TRIM72: variants seen among roughly 807,000 people sequenced by gnomAD.
TRIM72 encodes tripartite motif-containing protein 72.
TRIM72 carries 33 observed loss-of-function variants against 31.6 expected under a neutral mutation model. The observed-to-expected ratio is 1.04, with a 90% CI of 0.79 to 1.40. The LOEUF is 1.40. Among genes scored for constraint, TRIM72 ranks in the 40% most tolerant of loss-of-function variants. The pLI is 0.00. For synonymous variants in TRIM72, 301 were observed against 314.4 expected, an observed-to-expected ratio of 0.96 and a Z score of 0.45; for missense variants, 666 against 682.7, an observed-to-expected ratio of 0.98 and a Z score of 0.27.
In TRIM72 at chr16:31,230,635, A is replaced by G. The variant is rs780683358; in HGVS notation, c.*5880A>G. ...CAGCTACTTGGGAGGCTGAGGCAGG[A>G]GAATGGCCTGAACCCGGGAGGCGGA... is the stretch of plus-strand genomic sequence containing the variant. On this transcript the variant is annotated 3_prime_UTR_variant, in exon 7 of 7. Transcript: ENST00000322122. The G allele has an allele frequency of 1.3e-5, 2 of 151,100 alleles. No homozygotes were observed. The highest frequency in any genetic ancestry group is 2.9e-5 in the Non-Finnish European group (2 of 67,892). The allele number at this position is 151,100 out of a possible 1,614,324, so 9.4% of individuals were successfully genotyped here. A position where few individuals can be genotyped will look rare whatever the true frequency, so the allele number is the denominator to read the frequency against.
chr16:31,221,023 C>A, intron 5 of TRIM72, 105 bp downstream of exon 5: 1 of 1,412,250 alleles, frequency 7.1e-7, no homozygotes. Flanking sequence ...ACCCGCAATT[C>A]AGTCTGCTGC....
chr16:31,220,248 A>T (rs2079527425), intron 4 of TRIM72, among the ~76,000 whole-genome samples: 1 of 150,988 alleles, frequency 6.6e-6, no homozygotes, highest in Non-Finnish European at 1.5e-5. Context: ...TATGTTGCCC[A>T]GACTGGTCTC....
intron 5 of TRIM72, among the ~76,000 whole-genome samples, chr16:31,221,289 C>A (rs567235582): frequency 2.6e-5 from 4 of 151,490 alleles, no homozygotes; most frequent in Admixed American, 6.6e-5. Flanking sequence ...AAAGGCATTG[C>A]GGGGAGAAGG....
rs1388112977 is a variant in TRIM72 at position 31,228,236 on chromosome 16, C to T, written c.*3481C>T. 3.3e-5 allele frequency: 5 copies of T among 152,334 alleles called. No individual in the cohort carries two copies. Among genetic ancestry groups the T allele is most frequent in the African/African-American group, 9.6e-5 (4 of 41,568 alleles). 9.4% of individuals were successfully genotyped at this position (152,334 alleles called of 1,614,324 possible). A position where few individuals can be genotyped will look rare whatever the true frequency, so the allele number is the denominator to read the frequency against. ...AAGTACTAGGATTACAGGCTTGAAC[C>T]GCCGCGCCCAGCCCCAGCTTCATCT... is the stretch of plus-strand genomic sequence containing the variant. On this transcript the variant is annotated 3_prime_UTR_variant, in exon 7 of 7. Transcript: ENST00000322122.
chr16:31,224,854 G>C lies in TRIM72; in HGVS notation c.*99G>C, dbSNP rs957920962. 19 of 1,231,112 alleles carry C rather than the reference G, an allele frequency of 1.5e-5. No individual in the cohort carries two copies. The African/African-American group carries it at 2.0e-4, about 13-fold the overall frequency. 76.3% of individuals were successfully genotyped at this position (1,231,112 alleles called of 1,614,324 possible). A position where few individuals can be genotyped will look rare whatever the true frequency, so the allele number is the denominator to read the frequency against. ...AGAAGGGTGGGGAGCGGGTTGCCAG[G>C]GCCCAGGGGGCTGGGAACTGGGGGA... On this transcript the variant is annotated 3_prime_UTR_variant, in exon 7 of 7. Transcript: ENST00000322122.
rs2079505374 is a variant in TRIM72 at position 31,215,762 on chromosome 16, CCAGGATGT to C, written c.390+635_390+642del. 6.6e-6 allele frequency among the ~76,000 whole-genome samples: 1 copy of C among 152,174 alleles called. No individual in the cohort carries two copies. The highest frequency in any genetic ancestry group is 1.5e-5 in the Non-Finnish European group (1 of 68,034). On this transcript the variant is annotated intron_variant, in intron 2 of 6. Coordinates refer to ENST00000322122, the MANE Select transcript of TRIM72 (RefSeq NM_001008274.4). The surrounding 1 kb of genome is among the most constrained non-coding windows in gnomAD (Gnocchi z 6.3). The stretch of plus-strand genomic sequence containing the variant: ...CCCAGGGTGGCACCGAGAGCCCCGT[CCAGGATGT>C]TTTTCTGGGTGGAGCTGGAAGTCCC...
Position 31,224,660 on chromosome 16 carries a change from AGGCCCGTGT to A in TRIM72, c.1340_1348del (p.Arg447_Tyr450delinsAsn), listed in dbSNP as rs2079548582. ...TTTTGCCTTCCACGAGCGCCTGCCC[AGGCCCGTGT>A]ACCCCTTCTTCGACGTGTGCTGGCA... On this transcript the variant is annotated inframe_deletion, in exon 7 of 7. Coordinates refer to ENST00000322122, the MANE Select transcript of TRIM72 (RefSeq NM_001008274.4). 2 of 1,548,484 alleles carry A rather than the reference AGGCCCGTGT, an allele frequency of 1.3e-6. No homozygotes were observed. The highest frequency in any genetic ancestry group is 2.7e-5 in the African/African-American group (2 of 73,484).
Position 31,224,525 on chromosome 16 carries a change from G to A in TRIM72, c.1204G>A (p.Ala402Thr), listed in dbSNP as rs1448803842. ...ACACGTGGAGGCCAAGGAGCCGCGC[G>A]CTCTGCGCAGCCCCGAGAGGCGGCC... Reference protein sequence around the residue: ...EAHVEAKEPRALRSPERRPTR... With the variant: ...EAHVEAKEPRTLRSPERRPTR... The change falls in exon 7 of 7, where the codon GCT (alanine) becomes ACT (threonine). Residue 402 changes from alanine (A) to threonine (T), a missense_variant. Coordinates refer to ENST00000322122, the MANE Select transcript of TRIM72 (RefSeq NM_001008274.4). 4.7e-5 allele frequency: 71 copies of A among 1,513,882 alleles called. No homozygotes were observed. The highest frequency in any genetic ancestry group is 6.0e-5 in the Non-Finnish European group (68 of 1,136,014). The allele number at this position is 1,513,882 out of a possible 1,614,324, so 93.8% of individuals were successfully genotyped here.
chr16:31,220,481 T>TC (rs1281897577), intron 4 of TRIM72, among the ~76,000 whole-genome samples: 1 of 136,634 alleles, frequency 7.3e-6, no homozygotes, highest in African/African-American at 2.7e-5. Flanking sequence ...TTTTTTTTTT[T>TC]TTTTTGAGAC....
At chr16:31,222,331 T>C (rs929172262) in intron 5 of TRIM72, among the ~76,000 whole-genome samples, 8 of 148,040 alleles carry the variant, frequency 5.4e-5, no homozygotes, top group African/African-American at 2.0e-4. Flanking sequence ...AGGCAGAGGC[T>C]GCAGTGAGCC....
At chr16:31,217,214 T>C in intron 2 of TRIM72, 2 of 638,578 alleles carry the variant, frequency 3.1e-6, no homozygotes, top group Non-Finnish European at 5.3e-6. Context: ...GTCCCCCAGT[T>C]TCCCCTGGGA....
chr16:31,219,537 C>G lies in TRIM72; in HGVS notation c.717+18C>G, dbSNP rs368851483. 5 of 1,595,394 alleles carry G rather than the reference C, an allele frequency of 3.1e-6. No homozygotes were observed. The Admixed American group carries it at 8.9e-5, about 28-fold the overall frequency. On this transcript the variant is annotated intron_variant, in intron 4 of 6. Coordinates refer to ENST00000322122, the MANE Select transcript of TRIM72 (RefSeq NM_001008274.4). This position sits in a 1 kb window ranked among gnomAD's most constrained non-coding sequence, Gnocchi z 4.2. ...TCCTCATGGTGAGCACTGGGTGACC[C>G]CCCTCCCTGCCTCAGCCCCCTGCTC... is the stretch of plus-strand genomic sequence containing the variant.
At chr16:31,223,555 T>C (rs2079542738) in intron 6 of TRIM72, among the ~76,000 whole-genome samples, 5 of 152,304 alleles carry the variant, frequency 3.3e-5, no homozygotes. Context: ...CTCCTTGACC[T>C]TGGGCCTTGG....
At position 31,215,180 on chromosome 16, in the gene TRIM72, C is replaced by A; in HGVS notation, c.390+52C>A. 7.0e-7 allele frequency: 1 copy of A among 1,421,476 alleles called. No individual in the cohort carries two copies. Among genetic ancestry groups the A allele is most frequent in the African/African-American group, 1.5e-5 (1 of 66,762 alleles). The allele number at this position is 1,421,476 out of a possible 1,614,324, so 88.1% of individuals were successfully genotyped here. On this transcript the variant is annotated intron_variant, in intron 2 of 6. Transcript: ENST00000322122. The surrounding 1 kb of genome is among the most constrained non-coding windows in gnomAD (Gnocchi z 6.3). ...GGAGGGGCTGTTCGGTGGCACGGGG[C>A]CGATGGGGAGGTCGCTGCAGTGATT...
At position 31,224,338 on chromosome 16, in the gene TRIM72, G is replaced by T; in HGVS notation, c.1017G>T (p.Gln339His). 6.3e-7 allele frequency: 1 copy of T among 1,590,224 alleles called. No individual in the cohort carries two copies. The highest frequency in any genetic ancestry group is 8.5e-7 in the Non-Finnish European group (1 of 1,171,570). Reference sequence around the variant, plus strand: ...CGGTGGCGGTGGTGGCGCACCAGCAGCTCTCCGAGGGCGAGCACTACTGGG... The same window carrying T: ...CGGTGGCGGTGGTGGCGCACCAGCATCTCTCCGAGGGCGAGCACTACTGGG... Reference protein sequence around the residue: ...DKAVAVVAHQQLSEGEHYWEV... With the variant: ...DKAVAVVAHQHLSEGEHYWEV... Residue 339 changes from glutamine (Q) to histidine (H), a missense_variant, in exon 7 of 7, where the codon CAG becomes CAT. Physicochemically the swap from Gln to His is conservative, Grantham distance 24 (BLOSUM62 0). Transcript: ENST00000322122.
Position 31,216,996 on chromosome 16 carries a change from C to T in TRIM72, c.390+1868C>T, listed in dbSNP as rs777350501. 1.2e-6 allele frequency: 2 copies of T among 1,614,016 alleles called. No homozygotes were observed. Among genetic ancestry groups the T allele is most frequent in the South Asian group, 2.2e-5 (2 of 91,074 alleles). Reference sequence around the variant, plus strand: ...GCTCCTCCGGTGTCAGGTTCTCCAGCACCTTCAGGATGGCCTCGCGCTTCG... The same window carrying T: ...GCTCCTCCGGTGTCAGGTTCTCCAGTACCTTCAGGATGGCCTCGCGCTTCG... On this transcript the variant is annotated intron_variant, in intron 2 of 6. Coordinates refer to ENST00000322122, the MANE Select transcript of TRIM72 (RefSeq NM_001008274.4). This position sits in a 1 kb window ranked among gnomAD's most constrained non-coding sequence, Gnocchi z 6.7.
rs1298327069 is a variant in TRIM72 at position 31,214,880 on chromosome 16, G to C, written c.142G>C (p.Asp48His). The C allele has an allele frequency of 1.3e-6, 2 of 1,528,758 alleles. No individual in the cohort carries two copies. Among genetic ancestry groups the C allele is most frequent in the African/African-American group, 1.4e-5 (1 of 70,774 alleles). 94.7% of individuals were successfully genotyped at this position (1,528,758 alleles called of 1,614,324 possible). Residue 48 changes from aspartate (D) to histidine (H), a missense_variant, in exon 2 of 7, where the codon GAT becomes CAT. By Grantham distance (81) the Asp-to-His change is moderately conservative. Coordinates refer to ENST00000322122, the MANE Select transcript of TRIM72 (RefSeq NM_001008274.4). ...CCGCGTGGCCGGGGAGCCGGCGGCG[G>C]ATGGCACCGTTCTCTGCCCCTGCTG... ...LGRVAGEPAADGTVLCPCCQA... is the reference protein window; with the variant it reads ...LGRVAGEPAAHGTVLCPCCQA...
chr16:31,221,043 G>C (rs2079531141), intron 5 of TRIM72, 125 bp downstream of exon 5: 1 of 1,213,414 alleles, frequency 8.2e-7, no homozygotes, highest in African/African-American at 1.5e-5. Flanking sequence ...CCCCACCCCT[G>C]CCTGAACACA....
In TRIM72 at chr16:31,222,897, G is replaced by A. The variant is rs1310636468; in HGVS notation, c.811G>A (p.Asp271Asn). Residue 271 changes from aspartate to asparagine, a missense_variant, in exon 6 of 7, where the codon GAC becomes AAC. Transcript: ENST00000322122. ...LDIQLPIISD[D>N]FKFQVWRKMF... ...CATCCAGCTGCCAATTATCTCAGAT[G>A]ACTTCAAATTCCAGGTGTGGAGGAA... is the stretch of plus-strand genomic sequence containing the variant. 39 of 1,553,748 alleles carry A rather than the reference G, an allele frequency of 2.5e-5. No individual in the cohort carries two copies. Among genetic ancestry groups the A allele is most frequent in the Non-Finnish European group, 3.3e-5 (38 of 1,154,262 alleles).
Sources: allele counts gnomAD v4.1 joint callset (sites outside exome capture counted in the v4.1 genomes callset), GRCh38; gene constraint gnomAD v4.1.1; non-coding constraint Gnocchi (gnomAD v3.1); transcripts MANE v1.5; gene names NCBI Gene and HGNC (gene_info 2026-07-23, HGNC 2026-07-21).